The following MMEL1 variants were observed in gnomAD, a reference collection of about 807,000 sequenced individuals.
MMEL1 encodes membrane metalloendopeptidase like 1, also known as membrane metallo-endopeptidase-like 1.
A neutral mutation model predicts 117.1 loss-of-function variants in MMEL1; 98 were observed. The ratio of observed to expected loss-of-function variants is 0.84; its 90% CI spans 0.71 to 0.99. MMEL1 has a LOEUF of 0.99. Ranked by LOEUF, MMEL1 falls within the 50% of genes least tolerant of loss-of-function variation. The pLI is 0.00. For missense variants in MMEL1, 1,014 were observed against 1,049.1 expected (o/e 0.97, Z 0.46); for synonymous variants, 390 against 415.1 (o/e 0.94, Z 0.74).
chr1:2,629,368 G>A lies in MMEL1; in HGVS notation c.117C>T (p.Ala39=). 1 of 1,544,662 alleles carries A rather than the reference G, an allele frequency of 6.5e-7. No homozygotes were observed. The highest frequency in any genetic ancestry group is 8.7e-7 in the Non-Finnish European group (1 of 1,146,198). ...LLLLLLLVTA[A]LVALGVLYAD... ...CGTAGAGGACACCCAAGGCCACCAG[G>A]GCAGCGGTCACCAGCAGCAGCAGCA... is the stretch of plus-strand genomic sequence containing the variant. The change falls in exon 2 of 24, where the codon GCC becomes GCT. Residue 39 remains alanine, a synonymous_variant. Coordinates refer to ENST00000378412, the MANE Select transcript of MMEL1 (RefSeq NM_033467.4).
chr1:2,597,452 C>A (rs999282485), intron 13 of MMEL1, among the ~76,000 whole-genome samples: 9 of 152,094 alleles, frequency 5.9e-5, no homozygotes, highest in African/African-American at 1.9e-4. Context: ...AGTCCCGACT[C>A]CCCTCTGCCC....
chr1:2,594,139 G>C (rs1644791890), intron 18 of MMEL1: 1 of 782,346 alleles, frequency 1.3e-6, no homozygotes, highest in South Asian at 1.8e-5. Context: ...CCTCAGTCCG[G>C]CCTCCTCCCA....
intron 2 of MMEL1, among the ~76,000 whole-genome samples, chr1:2,626,625 G>A (rs1638297209): frequency 6.6e-6 from 1 of 152,274 alleles, no homozygotes; most frequent in Non-Finnish European, 1.5e-5. Flanking sequence ...ACTAGAAAAT[G>A]AATACAGTTG....
intron 6 of MMEL1, among the ~76,000 whole-genome samples, chr1:2,607,734 G>A (rs1645052921): frequency 6.6e-6 from 1 of 152,138 alleles, no homozygotes; most frequent in Non-Finnish European, 1.5e-5. Context: ...AGTGGAAGAG[G>A]GGAGGCCCGA....
chr1:2,629,284 C>G (rs1247903545), intron 2 of MMEL1, 47 bp downstream of exon 2: 1 of 1,502,284 alleles, frequency 6.7e-7, no homozygotes, highest in Non-Finnish European at 8.9e-7. Context: ...GGGGCGAGCG[C>G]GGAGAGCGGG....
Position 2,595,625 on chromosome 1 carries a change from AG to A in MMEL1, c.1501-267del, listed in dbSNP as rs1644823681. 2.0e-5 allele frequency among the ~76,000 whole-genome samples: 3 copies of A among 152,098 alleles called. No individual in the cohort carries two copies. Among genetic ancestry groups the A allele is most frequent in the Non-Finnish European group, 4.4e-5 (3 of 67,998 alleles). On this transcript the variant is annotated intron_variant, in intron 15 of 23. Transcript: ENST00000378412. This position sits in a 1 kb window ranked among gnomAD's most constrained non-coding sequence, Gnocchi z 4.8. ...GCCCGCCAGGGGTCCGGGTGGGGGC[AG>A]GGGCCCTGGAGGGGTCACTCGGCTG... is the stretch of plus-strand genomic sequence containing the variant.
chr1:2,595,611 G>C lies in MMEL1; in HGVS notation c.1501-252C>G, dbSNP rs1644823180. On this transcript the variant is annotated intron_variant, in intron 15 of 23. Transcript: ENST00000378412. The surrounding 1 kb of genome is among the most constrained non-coding windows in gnomAD (Gnocchi z 4.8). ...CCTAGAGCCCAACAGCCCGCCAGGG[G>C]TCCGGGTGGGGGCAGGGGCCCTGGA... Among the ~76,000 whole-genome samples, 1 of 152,160 alleles carries C rather than the reference G, an allele frequency of 6.6e-6. No individual in the cohort carries two copies. Among genetic ancestry groups the C allele is most frequent in the Non-Finnish European group, 1.5e-5 (1 of 68,012 alleles).
intron 2 of MMEL1, among the ~76,000 whole-genome samples, chr1:2,622,245 C>T (rs1034608669): frequency 2.0e-5 from 3 of 152,190 alleles, no homozygotes; most frequent in African/African-American, 7.2e-5. Flanking sequence ...TTGGTCAACA[C>T]TGTTTTAAAC....
At chr1:2,629,309 G>A (rs1414116863) in intron 2 of MMEL1, 22 bp downstream of exon 2, 2 of 1,518,714 alleles carry the variant, frequency 1.3e-6, no homozygotes, top group Non-Finnish European at 1.8e-6. Context: ...GGGACAGGCG[G>A]GGGCGGGGCA....
Position 2,612,593 on chromosome 1 carries a change from G to A in MMEL1, c.155-389C>T, listed in dbSNP as rs1016033740. 3.9e-5 allele frequency among the ~76,000 whole-genome samples: 6 copies of A among 152,146 alleles called. No individual in the cohort carries two copies. Among genetic ancestry groups the A allele is most frequent in the Admixed American group, 2.6e-4 (4 of 15,276 alleles). On this transcript the variant is annotated intron_variant, in intron 2 of 23. Transcript: ENST00000378412. The surrounding 1 kb of genome is among the most constrained non-coding windows in gnomAD (Gnocchi z 5.4). ...TGACAAGGCCCACACAAGGTGGCACGCTCCTGGAGTCCCACAGGGCAGGCT... is the reference window on the plus strand; with the variant it reads ...TGACAAGGCCCACACAAGGTGGCACACTCCTGGAGTCCCACAGGGCAGGCT...
At chr1:2,592,633 C>T (rs866551031) in intron 21 of MMEL1, 22 bp downstream of exon 21, 6 of 1,445,320 alleles carry the variant, frequency 4.2e-6, no homozygotes, top group Non-Finnish European at 5.5e-6. Context: ...GCGCTGACGC[C>T]CCCTCCCCTG....
intron 18 of MMEL1, 190 bp from the exon 19 acceptor site, chr1:2,594,123 C>T (rs1644791627): frequency 1.2e-6 from 1 of 837,550 alleles, no homozygotes; most frequent in African/African-American, 1.7e-5. Flanking sequence ...CCTGGCAGAC[C>T]CAGGACCTCA....
intron 6 of MMEL1, among the ~76,000 whole-genome samples, chr1:2,608,856 C>T (rs1171813357): frequency 2.6e-5 from 4 of 152,144 alleles, no homozygotes; most frequent in African/African-American, 9.7e-5. Context: ...CATGTACCCA[C>T]ATGTACACAT....
chr1:2,611,510 A>C (rs2100950064), intron 3 of MMEL1, 170 bp from the exon 4 acceptor site: 1 of 517,580 alleles, frequency 1.9e-6, no homozygotes, highest in South Asian at 2.5e-5. Flanking sequence ...CCAGTAGGGC[A>C]AGGCCAGGGT....
chr1:2,608,773 A>G (rs1645073740), intron 6 of MMEL1, among the ~76,000 whole-genome samples: 1 of 152,166 alleles, frequency 6.6e-6, no homozygotes. Flanking sequence ...CACAATGCAC[A>G]CACATATGTA....
chr1:2,629,560 G>T, intron 1 of MMEL1, 39 bp from the exon 2 acceptor site: 1 of 1,381,136 alleles, frequency 7.2e-7, no homozygotes, highest in Non-Finnish European at 9.4e-7. Flanking sequence ...GAGGGGCGTG[G>T]AGCTCCCCGA....
At position 2,595,184 on chromosome 1, in the gene MMEL1, G is replaced by A; in HGVS notation, c.1584+92C>T. The A allele has an allele frequency of 8.5e-7, 1 of 1,172,540 alleles. No homozygotes were observed. Among genetic ancestry groups the A allele is most frequent in the Non-Finnish European group, 1.2e-6 (1 of 806,910 alleles). The allele number at this position is 1,172,540 out of a possible 1,614,324, so 72.6% of individuals were successfully genotyped here. ...ACAGCTGTGTTAGCGCCTGGGAGGA[G>A]GGCACAGAGCTTGGCACAGAGGAGC... is the stretch of plus-strand genomic sequence containing the variant. On this transcript the variant is annotated intron_variant, in intron 16 of 23. Coordinates refer to ENST00000378412, the MANE Select transcript of MMEL1 (RefSeq NM_033467.4). This position sits in a 1 kb window ranked among gnomAD's most constrained non-coding sequence, Gnocchi z 4.8.
chr1:2,626,722 G>GT (rs1470900057), intron 2 of MMEL1, among the ~76,000 whole-genome samples: 1 of 152,104 alleles, frequency 6.6e-6, no homozygotes, highest in East Asian at 1.9e-4. Context: ...ATAAAAGAAA[G>GT]TTTATAACTT....
chr1:2,629,648 C>T (rs1272810294), intron 1 of MMEL1, 127 bp from the exon 2 acceptor site: 1 of 800,832 alleles, frequency 1.2e-6, no homozygotes, highest in Non-Finnish European at 1.8e-6. Context: ...TTCCCGTCTC[C>T]CTCTCCAAGC....
Sources: gnomAD v4.1 joint callset for allele counts (sites outside exome capture counted in the v4.1 genomes callset) on GRCh38, gnomAD v4.1.1 for gene constraint, Gnocchi (gnomAD v3.1) non-coding constraint, MANE v1.5 for transcripts, NCBI Gene and HGNC (gene_info 2026-07-23, HGNC 2026-07-21) for gene names.